The following CENPO variants were observed in gnomAD, a reference collection of about 807,000 sequenced individuals.
CENPO encodes centromere protein O, also known as centromeric protein O.
A neutral mutation model predicts 36.1 loss-of-function variants in CENPO; 30 were observed. The observed-to-expected ratio is 0.83, with a 90% CI of 0.62 to 1.13. The LOEUF (loss-of-function observed/expected upper bound fraction) is 1.13, where lower values mean the gene tolerates loss of function less well. Among genes scored for constraint, CENPO ranks in the 50% most tolerant of loss-of-function variants. CENPO has a pLI of 0.00. For synonymous variants in CENPO, 171 were observed against 142.3 expected, an observed-to-expected ratio of 1.20 and a Z score of -1.44; for missense variants, 349 against 357.8, an observed-to-expected ratio of 0.98 and a Z score of 0.20.
rs1667699442 is a variant in CENPO at position 24,821,464 on chromosome 2, C to A, written c.*2146C>A. On this transcript the variant is annotated 3_prime_UTR_variant, in exon 8 of 8. Transcript: ENST00000380834. Reference sequence around the variant, plus strand: ...ATGTCTCTCCTGGTGGTGGGCCAGGCCCCTGCATGGGAAGGGAGCCTGCTG... The same window carrying A: ...ATGTCTCTCCTGGTGGTGGGCCAGGACCCTGCATGGGAAGGGAGCCTGCTG... 2.5e-5 allele frequency: 40 copies of A among 1,601,868 alleles called. 1 individual carries two copies. The South Asian group carries it at 4.0e-4, about 16-fold the overall frequency.
chr2:24,817,889 A>C, intron 7 of CENPO, 48 bp downstream of exon 7: 1 of 1,488,472 alleles, frequency 6.7e-7, no homozygotes, highest in Non-Finnish European at 9.3e-7. Context: ...GTACTGTCTG[A>C]TGAAGGGTAC....
intron 3 of CENPO, among the ~76,000 whole-genome samples, chr2:24,807,996 T>G (rs1285902658): frequency 3.3e-5 from 5 of 152,224 alleles, no homozygotes; most frequent in African/African-American, 1.2e-4. Context: ...GTAGAAATCT[T>G]TACATATTTT....
Position 24,821,030 on chromosome 2 carries a change from G to C in CENPO, c.*1712G>C, listed in dbSNP as rs980227606. 1.2e-6 allele frequency: 1 copy of C among 858,676 alleles called. No homozygotes were observed. 53.2% of individuals were successfully genotyped at this position (858,676 alleles called of 1,614,324 possible). A position where few individuals can be genotyped will look rare whatever the true frequency, so the allele number is the denominator to read the frequency against. ...ACATCTCCTGTTTATCCGTGTGCTT[G>C]TTAGGTGTCAGCCGCCACCCCCCCC... is the stretch of plus-strand genomic sequence containing the variant. On this transcript the variant is annotated 3_prime_UTR_variant, in exon 8 of 8. Coordinates refer to ENST00000380834, the MANE Select transcript of CENPO (RefSeq NM_001322101.2).
intron 6 of CENPO, among the ~76,000 whole-genome samples, chr2:24,817,215 C>T (rs1436833300): frequency 6.6e-6 from 1 of 152,170 alleles, no homozygotes; most frequent in Non-Finnish European, 1.5e-5. Flanking sequence ...CACACTTACT[C>T]CTCCCTACGG....
rs1355194056 is a variant in CENPO, at chr2:24,799,848, A to T, written c.216+4A>T. The stretch of plus-strand genomic sequence containing the variant: ...GGTGCGGCACCGGCGAGCCAGCGTG[A>T]GTAGAAGGGTGGTATCAGCAGTTCC... On this transcript the variant is annotated splice_donor_region_variant and intron_variant, in intron 3 of 7. Coordinates refer to ENST00000380834, the MANE Select transcript of CENPO (RefSeq NM_001322101.2). 1 of 1,612,710 alleles carries T rather than the reference A, an allele frequency of 6.2e-7. No individual in the cohort carries two copies. Among genetic ancestry groups the T allele is most frequent in the Non-Finnish European group, 8.5e-7 (1 of 1,179,842 alleles).
rs748592316 is a variant in CENPO at position 24,799,797 on chromosome 2, C to T, written c.169C>T (p.Arg57Cys). ...ALGTKIHKLR[R>C]LRDELRAVVR... ...TGGAACCAAGATTCATAAACTAAGG[C>T]GTCTGCGAGATGAGCTGAGGGCTGT... Residue 57 changes from arginine (R) to cysteine (C), a missense_variant, in exon 3 of 8, where the codon CGT becomes TGT. Physicochemically the swap from Arg to Cys is radical, Grantham distance 180 (BLOSUM62 -3). Coordinates refer to ENST00000380834, the MANE Select transcript of CENPO (RefSeq NM_001322101.2). The T allele has an allele frequency of 3.0e-5, 49 of 1,613,658 alleles. No homozygotes were observed. The highest frequency in any genetic ancestry group is 4.1e-5 in the Non-Finnish European group (48 of 1,180,016).
intron 3 of CENPO, among the ~76,000 whole-genome samples, chr2:24,806,124 G>C (rs545250064): frequency 1.1e-4 from 17 of 152,256 alleles, no homozygotes; most frequent in Non-Finnish European, 1.8e-4. Context: ...CTCTGAGCCA[G>C]GCGCGGGATA....
At chr2:24,806,339 C>T (rs552407778) in intron 3 of CENPO, among the ~76,000 whole-genome samples, 4 of 152,340 alleles carry the variant, frequency 2.6e-5, no homozygotes, top group East Asian at 1.9e-4. Context: ...CCTGCACCCA[C>T]GGTCCGACAC....
chr2:24,806,618 A>G (rs915592601), intron 3 of CENPO, among the ~76,000 whole-genome samples: 1 of 152,216 alleles, frequency 6.6e-6, no homozygotes, highest in South Asian at 2.1e-4. Flanking sequence ...GTCATAGGAT[A>G]TGCATATTCG....
In CENPO at chr2:24,817,571, C is replaced by T. The variant is rs1484509451; in HGVS notation, c.767-99C>T. The stretch of plus-strand genomic sequence containing the variant: ...GATTGAATGTCAGTGATCCAGGCTC[C>T]GATTCCCCCAGCTGCACTGAATGAG... On this transcript the variant is annotated intron_variant, in intron 6 of 7. Transcript: ENST00000380834. The T allele has an allele frequency of 7.4e-6, 11 of 1,495,612 alleles. No individual in the cohort carries two copies. The East Asian group carries it at 1.2e-4, about 16-fold the overall frequency. 92.6% of individuals were successfully genotyped at this position (1,495,612 alleles called of 1,614,324 possible).
At chr2:24,801,516 G>A (rs1666165651) in intron 3 of CENPO, among the ~76,000 whole-genome samples, 1 of 152,166 alleles carries the variant, frequency 6.6e-6, no homozygotes, top group Non-Finnish European at 1.5e-5. Flanking sequence ...AAGGTGTAAG[G>A]AAGGGATCCA....
chr2:24,805,397 C>T (rs912500244), intron 3 of CENPO, among the ~76,000 whole-genome samples: 4 of 143,608 alleles, frequency 2.8e-5, no homozygotes, highest in South Asian at 2.3e-4. Flanking sequence ...GGAGGAGAGG[C>T]GCTCTGATTT....
chr2:24,800,013 C>T (rs1194533042), intron 3 of CENPO, among the ~76,000 whole-genome samples, 169 bp downstream of exon 3: 1 of 152,190 alleles, frequency 6.6e-6, no homozygotes, highest in African/African-American at 2.4e-5. Flanking sequence ...TGGCCAGGCA[C>T]GGTGGCTCAT....
Position 24,821,830 on chromosome 2 carries a change from G to T in CENPO, c.*2512G>T. On this transcript the variant is annotated 3_prime_UTR_variant, in exon 8 of 8. Transcript: ENST00000380834. The stretch of plus-strand genomic sequence containing the variant: ...CCACTGTGACAAAGTTCACGTAGCA[G>T]GTCTAGGCAAAGACTGGGCAATTGA... 1 of 780,310 alleles carries T rather than the reference G, an allele frequency of 1.3e-6. No homozygotes were observed. 48.3% of individuals were successfully genotyped at this position (780,310 alleles called of 1,614,324 possible). A position where few individuals can be genotyped will look rare whatever the true frequency, so the allele number is the denominator to read the frequency against.
rs74639823 is a variant in CENPO, at chr2:24,818,138, T to C, written c.*35+297T>C. Among the ~76,000 whole-genome samples, 246 of 114,110 alleles carry C rather than the reference T, an allele frequency of 2.2e-3. 3 individuals are homozygous for C. Among genetic ancestry groups the C allele is most frequent in the Non-Finnish European group, 3.7e-3 (207 of 56,540 alleles). 74.9% of individuals were successfully genotyped at this position (114,110 alleles called of 152,430 possible). On this transcript the variant is annotated intron_variant, in intron 7 of 7. Transcript: ENST00000380834. ...CTCAAGAAGTACTTATGGAAAAATATCAAATTATTGAGGGCATTAACTCTG... is the reference window on the plus strand; with the variant it reads ...CTCAAGAAGTACTTATGGAAAAATACCAAATTATTGAGGGCATTAACTCTG...
chr2:24,797,083 GGAAACTT>G (rs1665941351), intron 2 of CENPO, among the ~76,000 whole-genome samples: 1 of 152,202 alleles, frequency 6.6e-6, no homozygotes, highest in Non-Finnish European at 1.5e-5. Flanking sequence ...GGGCCACCTA[GGAAACTT>G]GTAATAGGCC....
chr2:24,800,660 C>G (rs1440033305), intron 3 of CENPO, among the ~76,000 whole-genome samples: 4 of 152,106 alleles, frequency 2.6e-5, no homozygotes, highest in African/African-American at 9.7e-5. Flanking sequence ...GTGAACTCAT[C>G]CTTTTTTATG....
chr2:24,821,025 T>C lies in CENPO; in HGVS notation c.*1707T>C, dbSNP rs1471707285. The C allele has an allele frequency of 1.1e-6, 1 of 917,908 alleles. No individual in the cohort carries two copies. Among genetic ancestry groups the C allele is most frequent in the Admixed American group, 3.0e-5 (1 of 32,856 alleles). The allele number at this position is 917,908 out of a possible 1,614,324, so 56.9% of individuals were successfully genotyped here. A position where few individuals can be genotyped will look rare whatever the true frequency, so the allele number is the denominator to read the frequency against. Reference sequence around the variant, plus strand: ...AAATCACATCTCCTGTTTATCCGTGTGCTTGTTAGGTGTCAGCCGCCACCC... The same window carrying C: ...AAATCACATCTCCTGTTTATCCGTGCGCTTGTTAGGTGTCAGCCGCCACCC... On this transcript the variant is annotated 3_prime_UTR_variant, in exon 8 of 8. Coordinates refer to ENST00000380834, the MANE Select transcript of CENPO (RefSeq NM_001322101.2).
chr2:24,796,232 T>C (rs988730338), intron 2 of CENPO, among the ~76,000 whole-genome samples: 3 of 152,150 alleles, frequency 2.0e-5, no homozygotes, highest in Admixed American at 6.5e-5. Flanking sequence ...TGCATGCCTG[T>C]AGTCCCAGCT....
Sources: gnomAD v4.1 joint callset for allele counts (sites outside exome capture counted in the v4.1 genomes callset) on GRCh38, gnomAD v4.1.1 for gene constraint, MANE v1.5 for transcripts, NCBI Gene and HGNC (gene_info 2026-07-23, HGNC 2026-07-21) for gene names.